CCDC192: variants seen among roughly 807,000 people sequenced by gnomAD.
CCDC192 encodes coiled-coil domain-containing protein 192.
At chr5:127,754,807 G>A (rs1754483163) in intron 3 of CCDC192, among the ~76,000 whole-genome samples, 1 of 152,168 alleles carries the variant, frequency 6.6e-6, no homozygotes, top group Non-Finnish European at 1.5e-5. Context: ...AACTTTACTT[G>A]GAAGAGAGTT....
At chr5:127,889,000 C>G (rs1482060370) in intron 6 of CCDC192, among the ~76,000 whole-genome samples, 3 of 152,110 alleles carry the variant, frequency 2.0e-5, no homozygotes, top group African/African-American at 7.2e-5. Flanking sequence ...ATTTATTTAG[C>G]AGAAGCTGTG....
chr5:127,854,795 A>C (rs1439685355), intron 5 of CCDC192, among the ~76,000 whole-genome samples: 1 of 152,234 alleles, frequency 6.6e-6, no homozygotes, highest in Non-Finnish European at 1.5e-5. Context: ...AGTGCATATA[A>C]AAGTTACTTT....
intron 2 of CCDC192, among the ~76,000 whole-genome samples, chr5:127,739,285 G>C (rs370722914): frequency 2.6e-5 from 4 of 152,162 alleles, no homozygotes; most frequent in African/African-American, 7.2e-5. Flanking sequence ...CAGTCTGCCC[G>C]TTCTCAGATC....
chr5:127,833,121 G>C (rs1054016965), intron 5 of CCDC192, among the ~76,000 whole-genome samples: 8 of 152,158 alleles, frequency 5.3e-5, no homozygotes, highest in African/African-American at 1.9e-4. Flanking sequence ...AAACTCAAGT[G>C]TTAACATTCT....
At chr5:127,788,352 G>T (rs1238697054) in intron 3 of CCDC192, among the ~76,000 whole-genome samples, 1 of 151,934 alleles carries the variant, frequency 6.6e-6, no homozygotes, top group Non-Finnish European at 1.5e-5. Flanking sequence ...CTGTTTTTGG[G>T]CTACAATTCA....
rs749512943 is a variant in CCDC192, at chr5:127,886,809, G to A, written c.535+11148G>A. ...ACCTTAACCCCTGTGTTGTTCAAGG[G>A]TCAATGGTAAATTGATTGATTGTAA... On this transcript the variant is annotated intron_variant, in intron 6 of 6. Coordinates refer to ENST00000514853, the MANE Select transcript of CCDC192 (RefSeq NM_001317938.2). Among the ~76,000 whole-genome samples, 167 of 152,144 alleles carry A rather than the reference G, an allele frequency of 1.1e-3. 2 individuals carry two copies. The highest frequency in any genetic ancestry group is 3.8e-4 in the Non-Finnish European group (26 of 68,038).
At chr5:127,877,776 G>C (rs1752140960) in intron 6 of CCDC192, among the ~76,000 whole-genome samples, 2 of 152,094 alleles carry the variant, frequency 1.3e-5, no homozygotes, top group African/African-American at 2.4e-5. Flanking sequence ...GACAATGAGG[G>C]CTGGCCCACC....
chr5:127,759,786 A>C (rs1754810887), intron 3 of CCDC192, among the ~76,000 whole-genome samples: 4 of 152,212 alleles, frequency 2.6e-5, no homozygotes, highest in Non-Finnish European at 1.5e-5. Flanking sequence ...CTCGCTACCC[A>C]AGCTCCCTTG....
chr5:127,871,474 C>A (rs923496219), intron 5 of CCDC192, among the ~76,000 whole-genome samples: 5 of 152,082 alleles, frequency 3.3e-5, no homozygotes, highest in South Asian at 2.1e-4. Context: ...TTGAAAATTT[C>A]TCTTATGTGT....
chr5:127,872,063 T>TA (rs1262009666), intron 5 of CCDC192, among the ~76,000 whole-genome samples: 3 of 152,154 alleles, frequency 2.0e-5, no homozygotes, highest in South Asian at 2.1e-4. Flanking sequence ...CTATGACTAA[T>TA]AAAAAACATG....
chr5:127,881,166 T>C (rs1752338647), intron 6 of CCDC192, among the ~76,000 whole-genome samples: 1 of 152,086 alleles, frequency 6.6e-6, no homozygotes, highest in Non-Finnish European at 1.5e-5. Flanking sequence ...CCATGATAAA[T>C]AGAGAGTGAA....
intron 6 of CCDC192, among the ~76,000 whole-genome samples, chr5:127,912,486 G>C (rs965578029): frequency 6.8e-6 from 1 of 146,518 alleles, no homozygotes; most frequent in Non-Finnish European, 1.5e-5. Flanking sequence ...ATGTTTAGAG[G>C]TTATACTAAA....
intron 3 of CCDC192, among the ~76,000 whole-genome samples, chr5:127,789,193 A>G (rs1756730750): frequency 6.6e-6 from 1 of 152,212 alleles, no homozygotes; most frequent in Non-Finnish European, 1.5e-5. Context: ...TGCTACTGTA[A>G]CATATACCTT....
chr5:127,767,317 C>A (rs138146677), intron 3 of CCDC192, among the ~76,000 whole-genome samples: 3 of 152,270 alleles, frequency 2.0e-5, no homozygotes, highest in Non-Finnish European at 4.4e-5. Context: ...ATAGGGTTCC[C>A]AGATGGGTAA....
intron 6 of CCDC192, among the ~76,000 whole-genome samples, chr5:127,893,277 A>G (rs1752782805): frequency 6.6e-6 from 1 of 152,224 alleles, no homozygotes; most frequent in Non-Finnish European, 1.5e-5. Context: ...CACTCAGACA[A>G]GTCCCTTACT....
intron 6 of CCDC192, among the ~76,000 whole-genome samples, chr5:127,893,085 A>T (rs1372453290): frequency 1.3e-5 from 2 of 152,202 alleles, no homozygotes; most frequent in African/African-American, 4.8e-5. Context: ...AAATATCAGT[A>T]TCGGGTGTTA....
At chr5:127,715,164 C>T (rs143700476) in intron 2 of CCDC192, among the ~76,000 whole-genome samples, 10 of 152,254 alleles carry the variant, frequency 6.6e-5, no homozygotes, top group African/African-American at 2.4e-4. Flanking sequence ...TTTTGTTACA[C>T]ATGTTTTTGA....
chr5:127,909,327 G>C (rs1753282111), intron 6 of CCDC192, among the ~76,000 whole-genome samples: 1 of 152,170 alleles, frequency 6.6e-6, no homozygotes, highest in African/African-American at 2.4e-5. Flanking sequence ...TGCAAGGACT[G>C]AGTTACCCTA....
intron 6 of CCDC192, among the ~76,000 whole-genome samples, chr5:127,889,511 C>G (rs1449602996): frequency 2.6e-5 from 4 of 152,088 alleles, no homozygotes; most frequent in Non-Finnish European, 5.9e-5. Context: ...AAGGAATTCT[C>G]CTGCCTCAGC....
Sources: allele counts gnomAD v4.1 joint callset (sites outside exome capture counted in the v4.1 genomes callset), GRCh38; gene constraint gnomAD v4.1.1; transcripts MANE v1.5; gene names NCBI Gene and HGNC (gene_info 2026-07-23, HGNC 2026-07-21).